Variants in NTN1 observed in about 807,000 individuals in gnomAD.
NTN1 encodes netrin-1.
In NTN1, 11 loss-of-function variants were observed where a neutral mutation model predicts 54.2. The ratio of observed to expected loss-of-function variants is 0.20; its 90% CI spans 0.13 to 0.34. The LOEUF is 0.34. Among genes scored for constraint, NTN1 ranks in the 10% least tolerant of loss-of-function variants. The pLI, the probability that NTN1 is intolerant of heterozygous loss-of-function variation, is 1.00. For missense variants in NTN1, 740 were observed against 893.1 expected (o/e 0.83, Z 2.18); for synonymous variants, 371 against 382.0 (o/e 0.97, Z 0.33).
intron 2 of NTN1, among the ~76,000 whole-genome samples, chr17:9,054,520 G>A (rs2091972067): frequency 6.6e-6 from 1 of 152,164 alleles, no homozygotes; most frequent in Non-Finnish European, 1.5e-5. Flanking sequence ...TTGTAGAGGG[G>A]GGTCTTTTAC....
rs1905130499 is a variant in NTN1, at chr17:9,212,495, C to T, written c.1412-8673C>T. On this transcript the variant is annotated intron_variant, in intron 5 of 6. Transcript: ENST00000173229. This position sits in a 1 kb window ranked among gnomAD's most constrained non-coding sequence, Gnocchi z 5.5. ...GCACCAAACATACTTTCTGGGCAGA[C>T]TGGCCTCATTTGCCTTTTGTCACCT... Among the ~76,000 whole-genome samples, 1 of 152,272 alleles carries T rather than the reference C, an allele frequency of 6.6e-6. No homozygotes were observed. The highest frequency in any genetic ancestry group is 6.5e-5 in the Admixed American group (1 of 15,294).
At chr17:9,005,169 T>G in the NTN1 span, among the ~76,000 whole-genome samples, 1 of 152,108 alleles carries the variant, frequency 6.6e-6, no homozygotes, top group Non-Finnish European at 1.5e-5. Flanking sequence ...GACTCCCAGA[T>G]TTTCTCTCAG....
chr17:9,102,404 G>A (rs751533551), intron 2 of NTN1, among the ~76,000 whole-genome samples: 5 of 152,154 alleles, frequency 3.3e-5, no homozygotes, highest in Non-Finnish European at 7.3e-5. Flanking sequence ...ATCAGATCTC[G>A]TGAGAACTAA....
chr17:9,099,853 T>C (rs919913242), intron 2 of NTN1, among the ~76,000 whole-genome samples: 2 of 152,294 alleles, frequency 1.3e-5, no homozygotes, highest in Non-Finnish European at 2.9e-5. Flanking sequence ...ATCACCTTTT[T>C]CTGAATTTAA....
chr17:9,100,292 A>G (rs890077116), intron 2 of NTN1, among the ~76,000 whole-genome samples: 1 of 151,694 alleles, frequency 6.6e-6, no homozygotes, highest in Admixed American at 6.6e-5. Context: ...TATGTCATGC[A>G]TATCTTTATT....
At chr17:9,132,899 C>T (rs994423626) in intron 2 of NTN1, among the ~76,000 whole-genome samples, 6 of 152,220 alleles carry the variant, frequency 3.9e-5, no homozygotes, top group South Asian at 2.1e-4. Flanking sequence ...ATGACACGTC[C>T]ACACTGATAA....
intron 5 of NTN1, among the ~76,000 whole-genome samples, chr17:9,201,153 A>G (rs180987744): frequency 6.6e-6 from 1 of 152,342 alleles, no homozygotes; most frequent in East Asian, 1.9e-4. Context: ...AAGGCGTAGG[A>G]GGCTGCTGGC....
At chr17:9,162,206 G>A (rs2092359032) in intron 2 of NTN1, among the ~76,000 whole-genome samples, 1 of 152,156 alleles carries the variant, frequency 6.6e-6, no homozygotes, top group South Asian at 2.1e-4. Context: ...CGAGGGGGAG[G>A]GGGAGAAGGG....
At chr17:9,049,355 C>A (rs576401222) in intron 2 of NTN1, among the ~76,000 whole-genome samples, 14 of 152,196 alleles carry the variant, frequency 9.2e-5, no homozygotes, top group African/African-American at 2.6e-4. Flanking sequence ...CCACCTGAAC[C>A]AACTGATCAG....
intron 2 of NTN1, among the ~76,000 whole-genome samples, chr17:9,044,317 C>T (rs1299162450): frequency 6.6e-6 from 1 of 151,850 alleles, no homozygotes; most frequent in East Asian, 1.9e-4. Context: ...TCACTGCAAC[C>T]TCCGCCTCCC....
At chr17:9,086,178 G>A (rs2092089472) in intron 2 of NTN1, among the ~76,000 whole-genome samples, 1 of 152,118 alleles carries the variant, frequency 6.6e-6, no homozygotes, top group East Asian at 1.9e-4. Flanking sequence ...GGTGTAGGGA[G>A]ATAAGTTGTT....
intron 2 of NTN1, among the ~76,000 whole-genome samples, chr17:9,065,324 C>G (rs1009366999): frequency 6.6e-6 from 1 of 152,186 alleles, no homozygotes; most frequent in Non-Finnish European, 1.5e-5. Flanking sequence ...CCCTGCCAGT[C>G]TGACCCCAGC....
intron 2 of NTN1, among the ~76,000 whole-genome samples, chr17:9,159,099 CAT>C (rs1055545608): frequency 3.3e-4 from 51 of 152,262 alleles, no homozygotes; most frequent in South Asian, 1.2e-3. Flanking sequence ...ATTAAAGTAA[CAT>C]GTGAATGAGA....
intron 2 of NTN1, among the ~76,000 whole-genome samples, chr17:9,114,166 A>AAAAAAATATATATAT (rs1555569108): frequency 1.3e-5 from 1 of 74,658 alleles, no homozygotes; most frequent in Non-Finnish European, 2.5e-5. Context: ...AAAAAAAAAA[A>AAAAAAATATATATAT]ATATATATAT....
chr17:9,033,382 G>A (rs1473484679), intron 2 of NTN1, among the ~76,000 whole-genome samples: 1 of 151,724 alleles, frequency 6.6e-6, no homozygotes, highest in Non-Finnish European at 1.5e-5. Flanking sequence ...TAGAGAGGTT[G>A]TTTGTTTGTT....
At chr17:9,046,806 A>C (rs550337835) in intron 2 of NTN1, among the ~76,000 whole-genome samples, 1 of 152,178 alleles carries the variant, frequency 6.6e-6, no homozygotes, top group Non-Finnish European at 1.5e-5. Context: ...AATAAATAAA[A>C]AAGAGAAAAA....
At chr17:9,050,404 T>G (rs992626169) in intron 2 of NTN1, among the ~76,000 whole-genome samples, 2 of 152,136 alleles carry the variant, frequency 1.3e-5, no homozygotes, top group East Asian at 3.9e-4. Context: ...GCGTGGTGGC[T>G]CACACCTGTA....
At chr17:9,016,529 G>T (rs2091832422), upstream of NTN1, among the ~76,000 whole-genome samples, 1 of 152,114 alleles carries the variant, frequency 6.6e-6, no homozygotes, top group African/African-American at 2.4e-5. Context: ...CTTTATTGGT[G>T]CTGTCCAAAT....
At chr17:9,213,424 G>A (rs1000168091) in intron 5 of NTN1, among the ~76,000 whole-genome samples, 3 of 152,218 alleles carry the variant, frequency 2.0e-5, no homozygotes, top group Admixed American at 6.5e-5. Flanking sequence ...AGGGCGTTCT[G>A]CCTACTCTTT....
Sources: allele counts gnomAD v4.1 joint callset (sites outside exome capture counted in the v4.1 genomes callset), GRCh38; gene constraint gnomAD v4.1.1; non-coding constraint Gnocchi (gnomAD v3.1); transcripts MANE v1.5; gene names NCBI Gene and HGNC (gene_info 2026-07-23, HGNC 2026-07-21).